PTPRE: variants seen among roughly 807,000 people sequenced by gnomAD.
PTPRE encodes receptor-type tyrosine-protein phosphatase epsilon.
Under a neutral mutation model 102.0 loss-of-function variants are expected in PTPRE, and 51 were observed. That is an observed-to-expected ratio of 0.50 (90% CI 0.40 to 0.63). The LOEUF is 0.63. Ranked by LOEUF, PTPRE falls within the 30% of genes least tolerant of loss-of-function variation. The pLI is 0.00. For missense variants in PTPRE, 752 were observed against 915.1 expected, an observed-to-expected ratio of 0.82 and a Z score of 2.30; for synonymous variants, 345 against 348.2, an observed-to-expected ratio of 0.99 and a Z score of 0.10.
rs534763806 is a variant in PTPRE at position 127,937,702 on chromosome 10, T to A, written c.-31+30393T>A. 8.4e-4 allele frequency among the ~76,000 whole-genome samples: 126 copies of A among 150,426 alleles called. 1 individual carries two copies. The highest frequency in any genetic ancestry group is 2.8e-3 in the African/African-American group (115 of 41,278). On this transcript the variant is annotated intron_variant, in intron 1 of 20. Coordinates refer to ENST00000254667, the MANE Select transcript of PTPRE (RefSeq NM_006504.6). ...GGTGAAACCCCATCTCTACTAAAAA[T>A]ACAAAAATTAGATGGGCGTGGTGGC...
chr10:127,998,269 G>A (rs1232918362), intron 2 of PTPRE: 1 of 152,278 alleles, frequency 6.6e-6, no homozygotes, highest in Non-Finnish European at 1.5e-5. Context: ...ACAACTTAAC[G>A]TCATCATCGA....
intron 2 of PTPRE, among the ~76,000 whole-genome samples, chr10:127,990,499 T>G (rs1332724799): frequency 3.3e-5 from 5 of 152,086 alleles, no homozygotes; most frequent in African/African-American, 1.2e-4. Context: ...TCACACCTTC[T>G]TGGTCTAAAA....
In PTPRE at chr10:127,910,887, C is replaced by T. The variant is rs1032645090; in HGVS notation, c.-31+3578C>T. Among the ~76,000 whole-genome samples, 33 of 152,060 alleles carry T rather than the reference C, an allele frequency of 2.2e-4. 1 individual carries two copies. Among genetic ancestry groups the T allele is most frequent in the Admixed American group, 1.8e-3 (28 of 15,268 alleles). ...TCACTTGAGGCCAGGAATTCCAGAC[C>T]GGCATAGGCAACATGATGGAACTCT... On this transcript the variant is annotated intron_variant, in intron 1 of 20. Transcript: ENST00000254667.
intron 1 of PTPRE, among the ~76,000 whole-genome samples, chr10:127,981,796 G>A (rs983955809): frequency 1.1e-4 from 17 of 150,120 alleles, no homozygotes; most frequent in Non-Finnish European, 1.6e-4. Context: ...CAGCCTGGGC[G>A]ACAGAGCAAG....
At position 128,085,113 on chromosome 10, in the gene PTPRE, C is replaced by A. The variant is rs7898794; in HGVS notation, c.*2207C>A. On this transcript the variant is annotated 3_prime_UTR_variant, in exon 21 of 21. Transcript: ENST00000254667. ...CACTTTCCCCAGGACGCAAGACTCT[C>A]CCCTCCACTGTCCGGGACAGCGTTC... 0.051 allele frequency: 23,048 copies of A among 455,816 alleles called. 1,028 individuals are homozygous for A. Among genetic ancestry groups the A allele is most frequent in the African/African-American group, 0.16 (8,207 of 50,084 alleles). The allele number at this position is 455,816 out of a possible 1,614,324, so 28.2% of individuals were successfully genotyped here. A position where few individuals can be genotyped will look rare whatever the true frequency, so the allele number is the denominator to read the frequency against.
At chr10:128,068,092 A>T (rs773320992) in intron 11 of PTPRE, 31 bp from the exon 12 acceptor site, 9 of 1,594,584 alleles carry the variant, frequency 5.6e-6, no homozygotes, top group Non-Finnish European at 7.7e-6. Flanking sequence ...GGATTGTTTC[A>T]CCCACTCTTG....
intron 17 of PTPRE, among the ~76,000 whole-genome samples, chr10:128,075,632 G>A (rs1851157572): frequency 6.6e-6 from 1 of 152,222 alleles, no homozygotes; most frequent in East Asian, 1.9e-4. Flanking sequence ...GCTTTCCAAA[G>A]TGGACATCAA....
intron 6 of PTPRE, 89 bp downstream of exon 6, chr10:128,049,755 A>T: frequency 6.4e-7 from 1 of 1,563,170 alleles, no homozygotes; most frequent in Non-Finnish European, 8.7e-7. Context: ...TATCCCAAAG[A>T]CTCAGAACCC....
At chr10:128,071,793 T>G in intron 15 of PTPRE, 1 of 204,188 alleles carries the variant, frequency 4.9e-6, no homozygotes, top group South Asian at 7.8e-5. Flanking sequence ...GCCCTTGGTT[T>G]TCTGGGGCCC....
chr10:128,049,433 G>A, intron 5 of PTPRE, 97 bp from the exon 6 acceptor site: 3 of 1,447,924 alleles, frequency 2.1e-6, no homozygotes, highest in South Asian at 1.2e-5. Flanking sequence ...GCTCCAGCCT[G>A]GTCATTTCTT....
chr10:127,932,527 C>T (rs555255757), intron 1 of PTPRE, among the ~76,000 whole-genome samples: 4 of 152,208 alleles, frequency 2.6e-5, no homozygotes, highest in South Asian at 2.1e-4. Flanking sequence ...CAGCCTTTTG[C>T]GCATGGCACG....
In PTPRE at chr10:128,063,174, G is replaced by A. The variant is rs148187282; in HGVS notation, c.717G>A (p.Arg239=). ...TIVMLTNLKE[R]KEEKCHQYWP... ...TCATGTTAACAAACTTGAAAGAAAG[G>A]AAAGAGGTGAGTTCCAGGCATCTGG... is the stretch of plus-strand genomic sequence containing the variant. Residue 239 remains arginine, a synonymous_variant, in exon 10 of 21, where the codon AGG becomes AGA. Transcript: ENST00000254667. 6 of 1,614,034 alleles carry A rather than the reference G, an allele frequency of 3.7e-6. No individual in the cohort carries two copies. In the African/African-American group the frequency reaches 4.0e-5, roughly 11 times the overall value.
Position 128,080,650 on chromosome 10 carries a change from G to A in PTPRE, c.2028+955G>A, listed in dbSNP as rs116355126. Among the ~76,000 whole-genome samples, 373 of 152,274 alleles carry A rather than the reference G, an allele frequency of 2.4e-3. 3 individuals are homozygous for A. The highest frequency in any genetic ancestry group is 8.3e-3 in the African/African-American group (344 of 41,554). ...GCATCTGTCATCCAGGTGTCCTCCC[G>A]TCTCAGCTGTGCTCTTCCTGACCGC... On this transcript the variant is annotated intron_variant, in intron 20 of 20. Coordinates refer to ENST00000254667, the MANE Select transcript of PTPRE (RefSeq NM_006504.6).
intron 1 of PTPRE, among the ~76,000 whole-genome samples, chr10:127,958,263 C>A (rs572650575): frequency 1.3e-5 from 2 of 152,188 alleles, no homozygotes; most frequent in African/African-American, 4.8e-5. Context: ...GACATCCTTG[C>A]CTCGTTCCTG....
rs751850539 is a variant in PTPRE, at chr10:128,079,743, A to G, written c.2028+48A>G. 4 of 1,574,514 alleles carry G rather than the reference A, an allele frequency of 2.5e-6. No homozygotes were observed. In the South Asian group the frequency reaches 3.4e-5, roughly 13 times the overall value. ...TACCAGAAGAGTGGAGAATTATTTCATGTTGTATTTGATGTATGTTTCATT... is the reference window on the plus strand; with the variant it reads ...TACCAGAAGAGTGGAGAATTATTTCGTGTTGTATTTGATGTATGTTTCATT... On this transcript the variant is annotated intron_variant, in intron 20 of 20. Coordinates refer to ENST00000254667, the MANE Select transcript of PTPRE (RefSeq NM_006504.6).
intron 2 of PTPRE, among the ~76,000 whole-genome samples, chr10:128,006,775 G>A (rs542598815): frequency 2.6e-5 from 4 of 152,226 alleles, no homozygotes; most frequent in African/African-American, 9.6e-5. Flanking sequence ...CCCCAGAGAT[G>A]GTGTCAAGTC....
In PTPRE at chr10:127,988,664, G is replaced by A. The variant is rs370444509; in HGVS notation, c.-8+6368G>A. 3.3e-5 allele frequency among the ~76,000 whole-genome samples: 5 copies of A among 152,198 alleles called. No individual in the cohort carries two copies. In the East Asian group the frequency reaches 9.7e-4, roughly 29 times the overall value. On this transcript the variant is annotated intron_variant, in intron 2 of 20. Transcript: ENST00000254667. ...ACATAAAGATGGAAACAACAGATGC[G>A]GGGAACTCCAAAAGGGAAGAGGGAG...
At chr10:127,954,913 C>T (rs1050127319) in intron 1 of PTPRE, among the ~76,000 whole-genome samples, 3 of 151,570 alleles carry the variant, frequency 2.0e-5, no homozygotes, top group Non-Finnish European at 2.9e-5. Flanking sequence ...GGAGTGCTTC[C>T]GCCAGGAGAC....
intron 3 of PTPRE, among the ~76,000 whole-genome samples, chr10:128,043,293 C>T (rs1454846091): frequency 6.6e-6 from 1 of 152,222 alleles, no homozygotes; most frequent in Non-Finnish European, 1.5e-5. Flanking sequence ...AACTAGACGG[C>T]CCCTCTGGGG....
Sources: gnomAD v4.1 joint callset for allele counts (sites outside exome capture counted in the v4.1 genomes callset) on GRCh38, gnomAD v4.1.1 for gene constraint, MANE v1.5 for transcripts, NCBI Gene and HGNC (gene_info 2026-07-23, HGNC 2026-07-21) for gene names.